UBAC1: variants seen among roughly 807,000 people sequenced by gnomAD.
The protein encoded by UBAC1 is UBA domain containing 1.
Under a neutral mutation model 45.9 loss-of-function variants are expected in UBAC1, and 27 were observed. The ratio of observed to expected loss-of-function variants is 0.59; its 90% CI spans 0.43 to 0.81. UBAC1 has a LOEUF of 0.81. Among genes scored for constraint, UBAC1 ranks in the 30% least tolerant of loss-of-function variants. The pLI is 0.00. For synonymous variants in UBAC1, 227 were observed against 215.5 expected, an observed-to-expected ratio of 1.05 and a Z score of -0.47; for missense variants, 529 against 539.2, an observed-to-expected ratio of 0.98 and a Z score of 0.19.
intron 3 of UBAC1, among the ~76,000 whole-genome samples, chr9:135,949,819 G>A (rs922749073): frequency 1.3e-5 from 2 of 152,258 alleles, no homozygotes; most frequent in African/African-American, 2.4e-5. Flanking sequence ...GTTACATCAC[G>A]CGGCACAGCC....
At chr9:135,939,388 C>G (rs1234322378) in intron 8 of UBAC1, among the ~76,000 whole-genome samples, 1 of 152,156 alleles carries the variant, frequency 6.6e-6, no homozygotes, top group Non-Finnish European at 1.5e-5. Flanking sequence ...AACACACGGC[C>G]TCCACCACGC....
In UBAC1 at chr9:135,946,345, C is replaced by G; in HGVS notation, c.468G>C (p.Leu156=). ...TCTGCGCCACCTCGATGAGAGACACCAGTATCTTCCGGAGTTCTGTCTGGA... is the reference window on the plus strand; with the variant it reads ...TCTGCGCCACCTCGATGAGAGACACGAGTATCTTCCGGAGTTCTGTCTGGA... ...RDFQTELRKI[L]VSLIEVAQKL... is the part of the protein sequence containing the mutation. The change falls in exon 5 of 10, where the codon CTG becomes CTC. Residue 156 remains leucine, a synonymous_variant. Coordinates refer to ENST00000371756, the MANE Select transcript of UBAC1 (RefSeq NM_016172.3). 1.9e-6 allele frequency: 3 copies of G among 1,613,804 alleles called. No homozygotes were observed. The highest frequency in any genetic ancestry group is 2.5e-6 in the Non-Finnish European group (3 of 1,179,662).
At chr9:135,935,045 C>G (rs551748670) in intron 9 of UBAC1, among the ~76,000 whole-genome samples, 1 of 152,218 alleles carries the variant, frequency 6.6e-6, no homozygotes, top group African/African-American at 2.4e-5. Flanking sequence ...CCACTCCTGG[C>G]TGATTTTGTT....
rs758938327 is a variant in UBAC1, at chr9:135,945,253, G to A, written c.654-3C>T. 3.2e-6 allele frequency: 5 copies of A among 1,575,548 alleles called. No individual in the cohort carries two copies. Among genetic ancestry groups the A allele is most frequent in the Admixed American group, 1.8e-5 (1 of 55,322 alleles). ...CCATGGCCTGAGGCACCGACATGCT[G>A]CAAGGCAAGAGACTCTTTCCAACAT... is the stretch of plus-strand genomic sequence containing the variant. On this transcript the variant is annotated splice_region_variant and splice_polypyrimidine_tract_variant and intron_variant, in intron 6 of 9. Transcript: ENST00000371756.
intron 6 of UBAC1, 84 bp from the exon 7 acceptor site, chr9:135,945,334 T>C: frequency 8.1e-7 from 1 of 1,241,424 alleles, no homozygotes; most frequent in Non-Finnish European, 1.1e-6. Flanking sequence ...GAAGAGCCTC[T>C]GCTATGGTAG....
chr9:135,951,724 C>G (rs1177022976), intron 3 of UBAC1, among the ~76,000 whole-genome samples: 1 of 152,050 alleles, frequency 6.6e-6, no homozygotes, highest in Non-Finnish European at 1.5e-5. Context: ...GCAGGAGAAT[C>G]GTTTGAACCT....
chr9:135,936,869 G>A (rs1471434670), intron 9 of UBAC1, among the ~76,000 whole-genome samples: 5 of 152,186 alleles, frequency 3.3e-5, no homozygotes, highest in Non-Finnish European at 2.9e-5. Flanking sequence ...ACGGGATTCT[G>A]CCCATCAGTG....
At chr9:135,954,686 G>A (rs989229164) in intron 2 of UBAC1, among the ~76,000 whole-genome samples, 1 of 152,208 alleles carries the variant, frequency 6.6e-6, no homozygotes, top group Non-Finnish European at 1.5e-5. Flanking sequence ...TGTGAGGGTG[G>A]AGAGTTTAGT....
Position 135,933,227 on chromosome 9 carries a change from A to G in UBAC1, c.*173T>C, listed in dbSNP as rs1839165124. On this transcript the variant is annotated 3_prime_UTR_variant, in exon 10 of 10. Transcript: ENST00000371756. The stretch of plus-strand genomic sequence containing the variant: ...TGCTAAAAATACGGCCTTACACACT[A>G]CCGTCACCAAAGTTTATAAGCAATA... 3 of 601,708 alleles carry G rather than the reference A, an allele frequency of 5.0e-6. No individual in the cohort carries two copies. Among genetic ancestry groups the G allele is most frequent in the Non-Finnish European group, 8.9e-6 (3 of 336,992 alleles). The allele number at this position is 601,708 out of a possible 1,614,324, so 37.3% of individuals were successfully genotyped here. A position where few individuals can be genotyped will look rare whatever the true frequency, so the allele number is the denominator to read the frequency against.
intron 3 of UBAC1, among the ~76,000 whole-genome samples, chr9:135,949,745 G>A (rs1454462463): frequency 1.3e-5 from 2 of 152,238 alleles, no homozygotes; most frequent in African/African-American, 4.8e-5. Flanking sequence ...ACGCTCCCCG[G>A]GCCTGGCAGT....
At chr9:135,957,996 T>G (rs1337691259) in intron 1 of UBAC1, among the ~76,000 whole-genome samples, 1 of 151,208 alleles carries the variant, frequency 6.6e-6, no homozygotes, top group South Asian at 2.1e-4. Context: ...GGCTGGAATT[T>G]CATGAATGTT....
chr9:135,958,315 G>A (rs1487267907), intron 1 of UBAC1, among the ~76,000 whole-genome samples: 1 of 152,086 alleles, frequency 6.6e-6, no homozygotes, highest in Non-Finnish European at 1.5e-5. Context: ...CCAAAGTACT[G>A]GGATTACAGG....
chr9:135,943,978 G>A (rs1839297547), intron 7 of UBAC1, among the ~76,000 whole-genome samples: 1 of 152,152 alleles, frequency 6.6e-6, no homozygotes, highest in Admixed American at 6.5e-5. Context: ...CAGGGGGTCT[G>A]GGGGAGGGAG....
chr9:135,938,428 C>G, intron 8 of UBAC1, 68 bp from the exon 9 acceptor site: 1 of 1,560,908 alleles, frequency 6.4e-7, no homozygotes, highest in Non-Finnish European at 8.6e-7. Context: ...CCACCAGCAG[C>G]AGGCATGACA....
intron 3 of UBAC1, among the ~76,000 whole-genome samples, chr9:135,948,651 C>T (rs1273561423): frequency 1.3e-5 from 2 of 152,240 alleles, no homozygotes; most frequent in East Asian, 3.9e-4. Context: ...CAGCACCCTC[C>T]ACAGGGAGAC....
At chr9:135,953,615 G>C in intron 3 of UBAC1, 65 bp downstream of exon 3, 1 of 1,451,520 alleles carries the variant, frequency 6.9e-7, no homozygotes, top group Non-Finnish European at 9.6e-7. Flanking sequence ...ACTGTACCCA[G>C]CCTGTAATTC....
intron 2 of UBAC1, among the ~76,000 whole-genome samples, chr9:135,954,430 C>T (rs1451610314): frequency 2.6e-5 from 4 of 152,166 alleles, no homozygotes; most frequent in Non-Finnish European, 5.9e-5. Context: ...GGTGACTGAG[C>T]GACACCCTGT....
At position 135,938,247 on chromosome 9, in the gene UBAC1, G is replaced by A; in HGVS notation, c.1077C>T (p.Gly359=). 6.2e-7 allele frequency: 1 copy of A among 1,614,140 alleles called. No homozygotes were observed. The highest frequency in any genetic ancestry group is 8.5e-7 in the Non-Finnish European group (1 of 1,180,022). Residue 359 remains glycine (G), a synonymous_variant, in exon 9 of 10, where the codon GGC becomes GGT. Transcript: ENST00000371756. ...CTAGCAATGTTTTCGGGTTGGTCAG[G>A]CCCAGCTGCACCACCGGGTTATCCA... ...AILDNPVVQL[G]LTNPKTLLAF... is the part of the protein sequence containing the mutation.
At chr9:135,955,532 A>G (rs182111774) in intron 1 of UBAC1, 117 bp from the exon 2 acceptor site, 2 of 1,121,382 alleles carry the variant, frequency 1.8e-6, no homozygotes, top group African/African-American at 3.2e-5. Context: ...GAGCTAAGAA[A>G]TTACACCATG....
Sources: gnomAD v4.1 joint callset for allele counts (sites outside exome capture counted in the v4.1 genomes callset) on GRCh38, gnomAD v4.1.1 for gene constraint, MANE v1.5 for transcripts, NCBI Gene and HGNC (gene_info 2026-07-23, HGNC 2026-07-21) for gene names.